Variants in FBN1 observed in about 807,000 individuals in gnomAD.
FBN1 encodes the protein fibrillin 1.
Under a neutral mutation model 365.1 loss-of-function variants are expected in FBN1, and 29 were observed. The ratio of observed to expected loss-of-function variants is 0.08; its 90% CI spans 0.06 to 0.11. The LOEUF is 0.11. FBN1 is among the 10% of genes least tolerant of loss of function. The pLI, the probability that FBN1 is intolerant of heterozygous loss-of-function variation, is 1.00. For missense variants in FBN1, 2,476 were observed against 3,703.2 expected (o/e 0.67, Z 8.60); for synonymous variants, 1,210 against 1,270.5 (o/e 0.95, Z 1.01).
chr15:48,453,811 T>C (rs999835417), intron 44 of FBN1, among the ~76,000 whole-genome samples: 1 of 151,480 alleles, frequency 6.6e-6, no homozygotes, highest in Non-Finnish European at 1.5e-5. Context: ...GACCTAAAAC[T>C]GCACTAGAAA....
chr15:48,463,230 T>C lies in FBN1; in HGVS notation c.5076A>G (p.Arg1692=), dbSNP rs2141266766. The C allele has an allele frequency of 6.2e-7, 1 of 1,613,896 alleles. No homozygotes were observed. The highest frequency in any genetic ancestry group is 8.5e-7 in the Non-Finnish European group (1 of 1,179,852). The part of the protein sequence containing the change: ...NGGNNCMDMR[R]SLCYRNYYAD... Reference sequence around the variant, plus strand: ...CATAGTAGTTTCTGTAGCACAAACTTCTTCTCATATCTAGAAGGGAGGTAA... The same window carrying C: ...CATAGTAGTTTCTGTAGCACAAACTCCTTCTCATATCTAGAAGGGAGGTAA... The change falls in exon 42 of 66, where the codon AGA becomes AGG. Residue 1692 remains arginine, a synonymous_variant. Transcript: ENST00000316623.
intron 2 of FBN1, among the ~76,000 whole-genome samples, chr15:48,633,523 A>G (rs897267943): frequency 2.6e-5 from 4 of 152,064 alleles, no homozygotes; most frequent in African/African-American, 7.2e-5. Context: ...TCTTTTTCCA[A>G]CCACCTGACT....
intron 24 of FBN1, among the ~76,000 whole-genome samples, chr15:48,490,853 C>T (rs1597566066): frequency 6.6e-6 from 1 of 152,224 alleles, no homozygotes; most frequent in South Asian, 2.1e-4. Context: ...TTGCACTCAT[C>T]TCTCAGAAGG....
intron 29 of FBN1, among the ~76,000 whole-genome samples, chr15:48,486,536 G>A (rs2043508216): frequency 6.6e-6 from 1 of 152,190 alleles, no homozygotes; most frequent in Admixed American, 6.5e-5. Context: ...CATCTTTAAG[G>A]AGAGCCAGGC....
chr15:48,537,152 A>G (rs2044019812), intron 7 of FBN1, among the ~76,000 whole-genome samples: 1 of 152,262 alleles, frequency 6.6e-6, no homozygotes. Context: ...TTGTAAAAAA[A>G]TGCAAAATGT....
chr15:48,452,841 GGAA>G (rs1813904199), intron 44 of FBN1, among the ~76,000 whole-genome samples, 157 bp from the exon 45 acceptor site: 1 of 152,266 alleles, frequency 6.6e-6, no homozygotes, highest in Non-Finnish European at 1.5e-5. Flanking sequence ...GCCAGAATTT[GGAA>G]GCAACCAAGA....
intron 46 of FBN1, among the ~76,000 whole-genome samples, 165 bp from the exon 47 acceptor site, chr15:48,446,987 CA>C (rs2043165191): frequency 1.3e-5 from 2 of 152,154 alleles, no homozygotes; most frequent in African/African-American, 2.4e-5. Context: ...TGCAAGATAC[CA>C]GGCAGCGGCA....
intron 5 of FBN1, among the ~76,000 whole-genome samples, chr15:48,599,354 G>A (rs2044542295): frequency 6.6e-6 from 1 of 152,064 alleles, no homozygotes; most frequent in African/African-American, 2.4e-5. Context: ...AGCATACTTT[G>A]AATAAAGTAT....
chr15:48,583,440 A>C (rs1267374315), intron 6 of FBN1, among the ~76,000 whole-genome samples: 1 of 151,750 alleles, frequency 6.6e-6, no homozygotes, highest in Non-Finnish European at 1.5e-5. Flanking sequence ...AGCATCCCCC[A>C]CTCCCATCCA....
intron 56 of FBN1, among the ~76,000 whole-genome samples, chr15:48,429,322 T>C (rs573452628): frequency 1.4e-4 from 21 of 152,328 alleles, no homozygotes; most frequent in African/African-American, 4.8e-4. Flanking sequence ...ATCTCCAATA[T>C]AGGTTGCATT....
At chr15:48,417,794 A>G (rs1268026866) in intron 63 of FBN1, among the ~76,000 whole-genome samples, 1 of 152,214 alleles carries the variant, frequency 6.6e-6, no homozygotes, top group Non-Finnish European at 1.5e-5. Flanking sequence ...ATGAAGAACG[A>G]AGCATATTTA....
intron 6 of FBN1, among the ~76,000 whole-genome samples, chr15:48,572,496 A>G (rs1409155829): frequency 6.6e-6 from 1 of 151,984 alleles, no homozygotes; most frequent in Non-Finnish European, 1.5e-5. Flanking sequence ...AATTTTTAAG[A>G]AATAAGCAAC....
rs141553939 is a variant in FBN1 at position 48,608,318 on chromosome 15, G to A, written c.346+2410C>T. On this transcript the variant is annotated intron_variant, in intron 4 of 65. Coordinates refer to ENST00000316623, the MANE Select transcript of FBN1 (RefSeq NM_000138.5). ...ATAAAATTTTTCAGAGGAAAAATTC[G>A]TTCAGTGATCTAAATTGATCCTTTT... is the stretch of plus-strand genomic sequence containing the variant. Among the ~76,000 whole-genome samples the A allele has an allele frequency of 2.1e-3, 327 of 152,214 alleles. 1 individual carries two copies. The highest frequency in any genetic ancestry group is 3.6e-3 in the Non-Finnish European group (245 of 67,996).
At chr15:48,591,552 T>C (rs1418236494) in intron 6 of FBN1, among the ~76,000 whole-genome samples, 1 of 152,252 alleles carries the variant, frequency 6.6e-6, no homozygotes, top group Non-Finnish European at 1.5e-5. Flanking sequence ...AGCAGATTCG[T>C]ACGTTGAAAT....
chr15:48,582,141 T>G (rs575743198), intron 6 of FBN1, among the ~76,000 whole-genome samples: 1 of 152,354 alleles, frequency 6.6e-6, no homozygotes, highest in African/African-American at 2.4e-5. Flanking sequence ...AAAGTACAGA[T>G]GGTAGATCAG....
chr15:48,449,001 G>A (rs1198183865), intron 45 of FBN1, 108 bp from the exon 46 acceptor site: 9 of 885,132 alleles, frequency 1.0e-5, no homozygotes, highest in South Asian at 1.4e-5. Context: ...AACTAAGTTA[G>A]TGAAACAGAT....
intron 45 of FBN1, among the ~76,000 whole-genome samples, chr15:48,449,192 T>C (rs907379590): frequency 6.6e-6 from 1 of 152,192 alleles, no homozygotes; most frequent in Admixed American, 6.5e-5. Context: ...TTCTGTTTGA[T>C]TATCGGCCTA....
chr15:48,601,040 G>A (rs537921444), intron 4 of FBN1, among the ~76,000 whole-genome samples: 5 of 152,318 alleles, frequency 3.3e-5, no homozygotes, highest in African/African-American at 1.2e-4. Flanking sequence ...TGACGACAGG[G>A]ACAGCTGGAT....
chr15:48,487,935 A>G (rs1328491842), intron 27 of FBN1, among the ~76,000 whole-genome samples, 178 bp downstream of exon 27: 3 of 152,118 alleles, frequency 2.0e-5, no homozygotes, highest in African/African-American at 7.2e-5. Flanking sequence ...CATCACCCAC[A>G]AACCCACAGC....
Sources: allele counts gnomAD v4.1 joint callset (sites outside exome capture counted in the v4.1 genomes callset), GRCh38; gene constraint gnomAD v4.1.1; transcripts MANE v1.5; gene names NCBI Gene and HGNC (gene_info 2026-07-23, HGNC 2026-07-21).